The following SLC35F3 variants were observed in gnomAD, a reference collection of about 807,000 sequenced individuals.
SLC35F3 encodes the protein solute carrier family 35 member F3, also known as putative thiamine transporter SLC35F3.
A neutral mutation model predicts 49.9 loss-of-function variants in SLC35F3; 25 were observed. The ratio of observed to expected loss-of-function variants is 0.50; its 90% CI spans 0.37 to 0.70. SLC35F3 has a LOEUF of 0.70. Ranked by LOEUF, SLC35F3 falls within the 30% of genes least tolerant of loss-of-function variation. The pLI, the probability that SLC35F3 is intolerant of heterozygous loss-of-function variation, is 0.00. For synonymous variants in SLC35F3, 275 were observed against 265.4 expected (o/e 1.04, Z -0.35); for missense variants, 525 against 639.8 (o/e 0.82, Z 1.94).
intron 3 of SLC35F3, among the ~76,000 whole-genome samples, chr1:234,281,616 G>A (rs967402871): frequency 6.6e-6 from 1 of 152,176 alleles, no homozygotes; most frequent in Non-Finnish European, 1.5e-5. Flanking sequence ...GTTTAAAATA[G>A]AATCCTGAGA....
At chr1:234,202,297 T>A (rs4920222) in intron 2 of SLC35F3, among the ~76,000 whole-genome samples, 20,960 of 151,712 alleles carry the variant, frequency 0.14, 3,651 homozygotes, top group East Asian at 0.88. Context: ...AACCTTTTTT[T>A]AAAAAGGTGT....
chr1:234,113,501 T>G (rs1457924502), intron 2 of SLC35F3, among the ~76,000 whole-genome samples: 1 of 152,232 alleles, frequency 6.6e-6, no homozygotes, highest in South Asian at 2.1e-4. Flanking sequence ...TTAAATTGTT[T>G]AATTATAGGC....
chr1:234,263,639 A>G (rs971047828), intron 3 of SLC35F3, among the ~76,000 whole-genome samples: 1 of 152,158 alleles, frequency 6.6e-6, no homozygotes, highest in African/African-American at 2.4e-5. Context: ...ATGAGGCCCA[A>G]TCCTCTGGGT....
At chr1:234,274,113 CAG>C (rs1668158808) in intron 3 of SLC35F3, 1 of 152,198 alleles carries the variant, frequency 6.6e-6, no homozygotes, top group South Asian at 2.1e-4. Flanking sequence ...TGATAGTTCT[CAG>C]GGGGAAATGT....
chr1:234,022,855 T>C (rs1236876762), intron 2 of SLC35F3, among the ~76,000 whole-genome samples: 2 of 152,224 alleles, frequency 1.3e-5, no homozygotes, highest in Non-Finnish European at 2.9e-5. Flanking sequence ...TAGTGAGTTT[T>C]CCATGCTATG....
chr1:234,214,639 G>T lies in SLC35F3; in HGVS notation c.284-16778G>T. The T allele has an allele frequency of 1.3e-6, 2 of 1,490,078 alleles. No individual in the cohort carries two copies. Among genetic ancestry groups the T allele is most frequent in the South Asian group, 1.3e-5 (1 of 77,826 alleles). 92.3% of individuals were successfully genotyped at this position (1,490,078 alleles called of 1,614,324 possible). Reference sequence around the variant, plus strand: ...TAGCCGGGGAATGCTGCCACCCTGAGGGGGGCTGTCTGGCTGCGGGGCGCC... The same window carrying T: ...TAGCCGGGGAATGCTGCCACCCTGATGGGGGCTGTCTGGCTGCGGGGCGCC... On this transcript the variant is annotated intron_variant, in intron 2 of 7. Transcript: ENST00000366618. This position sits in a 1 kb window ranked among gnomAD's most constrained non-coding sequence, Gnocchi z 8.0.
intron 3 of SLC35F3, among the ~76,000 whole-genome samples, chr1:234,270,186 C>T (rs1668076489): frequency 6.6e-6 from 1 of 152,146 alleles, no homozygotes; most frequent in Non-Finnish European, 1.5e-5. Flanking sequence ...ACCTTCATTC[C>T]TACATGTGGA....
At chr1:234,042,070 T>G (rs1168046832) in intron 2 of SLC35F3, among the ~76,000 whole-genome samples, 2 of 152,194 alleles carry the variant, frequency 1.3e-5, no homozygotes, top group African/African-American at 2.4e-5. Flanking sequence ...CAGGTCACTC[T>G]TCCCTGACGT....
At chr1:233,915,327 G>A (rs180777666) in intron 2 of SLC35F3, among the ~76,000 whole-genome samples, 3 of 152,112 alleles carry the variant, frequency 2.0e-5, no homozygotes, top group African/African-American at 7.2e-5. Context: ...TGTCAATTTC[G>A]CTACCTTACT....
At chr1:234,107,759 A>G (rs1011061303) in intron 2 of SLC35F3, among the ~76,000 whole-genome samples, 2 of 152,208 alleles carry the variant, frequency 1.3e-5, no homozygotes, top group Non-Finnish European at 2.9e-5. Flanking sequence ...CAAATGAGAA[A>G]GCATTAAAAG....
chr1:234,228,171 G>A (rs1042606241), intron 2 of SLC35F3, among the ~76,000 whole-genome samples: 8 of 152,130 alleles, frequency 5.3e-5, no homozygotes, highest in African/African-American at 1.9e-4. Context: ...GCAGAGTGAC[G>A]AGATGGCAGT....
chr1:234,102,184 G>C (rs1665224383), intron 2 of SLC35F3, among the ~76,000 whole-genome samples: 1 of 152,184 alleles, frequency 6.6e-6, no homozygotes, highest in Non-Finnish European at 1.5e-5. Context: ...TTCATCCCCT[G>C]GGACCTCTTT....
At position 234,151,808 on chromosome 1, in the gene SLC35F3, C is replaced by T. The variant is rs576417451; in HGVS notation, c.284-79609C>T. Among the ~76,000 whole-genome samples the T allele has an allele frequency of 3.8e-4, 58 of 152,096 alleles. 1 individual carries two copies. The South Asian group carries it at 9.1e-3, about 24-fold the overall frequency. ...TAGTAGTTCCTTACAGGATTAAAAA[C>T]CCCACAAAATCCAAAGCAATGGAAC... On this transcript the variant is annotated intron_variant, in intron 2 of 7. Transcript: ENST00000366618.
At chr1:233,932,750 A>C (rs1558182365) in intron 2 of SLC35F3, among the ~76,000 whole-genome samples, 2 of 152,204 alleles carry the variant, frequency 1.3e-5, no homozygotes, top group Non-Finnish European at 2.9e-5. Flanking sequence ...GGACCTATGG[A>C]AATCAGAACC....
intron 2 of SLC35F3, among the ~76,000 whole-genome samples, chr1:233,951,100 C>G (rs1467616256): frequency 6.6e-6 from 1 of 151,320 alleles, no homozygotes; most frequent in Admixed American, 6.6e-5. Context: ...TATATGATAA[C>G]ACGTCTCTTG....
At chr1:234,216,477 C>T (rs529422244) in intron 2 of SLC35F3, among the ~76,000 whole-genome samples, 87 of 152,322 alleles carry the variant, frequency 5.7e-4, no homozygotes, top group African/African-American at 1.9e-3. Context: ...CTGGAGGTTG[C>T]CTTCAGGGAA....
intron 2 of SLC35F3, among the ~76,000 whole-genome samples, chr1:234,087,575 G>A (rs914469055): frequency 1.2e-4 from 18 of 152,188 alleles, no homozygotes; most frequent in African/African-American, 4.3e-4. Flanking sequence ...CTTTAGCCTA[G>A]GATCCTCCCA....
chr1:234,178,443 C>T (rs1366026912), intron 2 of SLC35F3, among the ~76,000 whole-genome samples: 3 of 146,588 alleles, frequency 2.0e-5, no homozygotes, highest in African/African-American at 7.7e-5. Context: ...GGTCAGGAAG[C>T]TTCTACCCTC....
intron 2 of SLC35F3, among the ~76,000 whole-genome samples, chr1:233,946,638 G>C (rs936464586): frequency 6.6e-6 from 1 of 152,200 alleles, no homozygotes; most frequent in Non-Finnish European, 1.5e-5. Flanking sequence ...GCCAATGCTT[G>C]TTATGGTCAG....
Sources: allele counts gnomAD v4.1 joint callset (sites outside exome capture counted in the v4.1 genomes callset), GRCh38; gene constraint gnomAD v4.1.1; non-coding constraint Gnocchi (gnomAD v3.1); transcripts MANE v1.5; gene names NCBI Gene and HGNC (gene_info 2026-07-23, HGNC 2026-07-21).